Variants in OSBPL9 observed in about 807,000 individuals in gnomAD.
OSBPL9 encodes oxysterol-binding protein-related protein 9.
OSBPL9 carries 40 observed loss-of-function variants against 106.6 expected under a neutral mutation model. The observed-to-expected ratio is 0.38, with a 90% CI of 0.29 to 0.49. The LOEUF (loss-of-function observed/expected upper bound fraction) is 0.49, where lower values mean the gene tolerates loss of function less well. OSBPL9 is among the 20% of genes least tolerant of loss of function. The pLI, the probability that OSBPL9 is intolerant of heterozygous loss-of-function variation, is 0.97. For synonymous variants in OSBPL9, 269 were observed against 295.4 expected (o/e 0.91, Z 0.92); for missense variants, 609 against 887.2 (o/e 0.69, Z 3.98).
intron 9 of OSBPL9, among the ~76,000 whole-genome samples, chr1:51,758,567 C>G (rs1281055581): frequency 6.6e-6 from 1 of 152,050 alleles, no homozygotes; most frequent in African/African-American, 2.4e-5. Flanking sequence ...AAAACAGTGG[C>G]CTCTCATAAT....
At chr1:51,707,141 C>T in intron 3 of OSBPL9, 1 of 385,924 alleles carries the variant, frequency 2.6e-6, no homozygotes, top group Admixed American at 2.6e-5. Context: ...GCACTTACTC[C>T]TTGGAGGCCA....
chr1:51,554,902 A>G, the OSBPL9 span, among the ~76,000 whole-genome samples: 2 of 152,224 alleles, frequency 1.3e-5, no homozygotes, highest in African/African-American at 4.8e-5. Context: ...TGCTAAATGC[A>G]TATTCCCAGG....
chr1:51,651,197 A>T (rs1312212143), intron 1 of OSBPL9, among the ~76,000 whole-genome samples: 2 of 152,218 alleles, frequency 1.3e-5, no homozygotes, highest in African/African-American at 4.8e-5. Flanking sequence ...AAACTGAGGG[A>T]CATTGGATGA....
chr1:51,559,808 A>G, the OSBPL9 span, among the ~76,000 whole-genome samples: 1 of 152,178 alleles, frequency 6.6e-6, no homozygotes, highest in Non-Finnish European at 1.5e-5. Flanking sequence ...ATATGGTCAC[A>G]TATGTTTACA....
At chr1:51,637,554 A>C (rs1228089069) in intron 1 of OSBPL9, among the ~76,000 whole-genome samples, 2 of 152,238 alleles carry the variant, frequency 1.3e-5, no homozygotes, top group Non-Finnish European at 2.9e-5. Context: ...GAATTAAATA[A>C]AATAGTATTT....
intron 1 of OSBPL9, among the ~76,000 whole-genome samples, chr1:51,620,997 G>C (rs1421739084): frequency 6.6e-6 from 1 of 152,148 alleles, no homozygotes. Flanking sequence ...CAGAATGTTA[G>C]GATTACAGGC....
the OSBPL9 span, chr1:51,569,677 T>C: frequency 6.6e-6 from 1 of 152,134 alleles, no homozygotes; most frequent in South Asian, 2.1e-4. Context: ...AACACCAAGG[T>C]CTCATTCTCA....
At chr1:51,547,374 GA>G in the OSBPL9 span, among the ~76,000 whole-genome samples, 1 of 152,062 alleles carries the variant, frequency 6.6e-6, no homozygotes, top group Non-Finnish European at 1.5e-5. Context: ...AGTGCTCAGT[GA>G]AAAATATGAA....
At chr1:51,767,990 G>C (rs1376353477) in intron 12 of OSBPL9, among the ~76,000 whole-genome samples, 2 of 121,592 alleles carry the variant, frequency 1.6e-5, no homozygotes, top group Non-Finnish European at 3.2e-5. Flanking sequence ...CGCCCAGGCT[G>C]GAGTGCAGTG....
chr1:51,664,366 A>G (rs1261650000), intron 2 of OSBPL9, among the ~76,000 whole-genome samples: 1 of 152,110 alleles, frequency 6.6e-6, no homozygotes, highest in Non-Finnish European at 1.5e-5. Context: ...GACACAAAGG[A>G]AAATAAGTGG....
chr1:51,580,891 ATT>A (rs1645216411), intron 1 of OSBPL9, among the ~76,000 whole-genome samples: 2 of 79,954 alleles, frequency 2.5e-5, no homozygotes, highest in African/African-American at 4.7e-5. Context: ...CCTTCTAGCC[ATT>A]ATATATATAT....
At chr1:51,749,842 A>G (rs921600763) in intron 7 of OSBPL9, among the ~76,000 whole-genome samples, 10 of 151,652 alleles carry the variant, frequency 6.6e-5, no homozygotes, top group Admixed American at 2.0e-4. Flanking sequence ...AGCCACTGCA[A>G]TCCAGCGTGA....
At chr1:51,660,283 G>A (rs934655646) in intron 2 of OSBPL9, among the ~76,000 whole-genome samples, 2 of 152,042 alleles carry the variant, frequency 1.3e-5, no homozygotes, top group Admixed American at 6.6e-5. Context: ...AACCACAATG[G>A]CAAATATTTG....
intron 3 of OSBPL9, among the ~76,000 whole-genome samples, chr1:51,677,931 T>A (rs1458789697): frequency 6.6e-6 from 1 of 151,288 alleles, no homozygotes; most frequent in African/African-American, 2.4e-5. Flanking sequence ...CCCAGCTCTT[T>A]GGGAGGCTGA....
At chr1:51,545,597 A>C in the OSBPL9 span, among the ~76,000 whole-genome samples, 2 of 152,018 alleles carry the variant, frequency 1.3e-5, no homozygotes, top group Non-Finnish European at 2.9e-5. Context: ...CCATAGCAAG[A>C]CCACATCTCT....
intron 1 of OSBPL9, among the ~76,000 whole-genome samples, chr1:51,630,235 AAGATGCTTTTTTGGTC>A (rs1158430110): frequency 6.6e-6 from 1 of 152,054 alleles, no homozygotes; most frequent in East Asian, 1.9e-4. Flanking sequence ...TTTTTTTGGT[AAGATGCTTTTTTGGTC>A]AGATAAGGAA....
the OSBPL9 span, among the ~76,000 whole-genome samples, chr1:51,526,087 G>C: frequency 1.3e-5 from 2 of 152,184 alleles, no homozygotes; most frequent in Non-Finnish European, 2.9e-5. Flanking sequence ...ACATTGCCCA[G>C]GTTGGTCTTA....
the OSBPL9 span, among the ~76,000 whole-genome samples, chr1:51,568,320 A>C: frequency 2.6e-5 from 4 of 152,108 alleles, no homozygotes; most frequent in Non-Finnish European, 4.4e-5. Flanking sequence ...ACTATCCCCC[A>C]CTTTTAGCTG....
At chr1:51,656,508 C>T (rs1438556374) in intron 2 of OSBPL9, among the ~76,000 whole-genome samples, 1 of 152,030 alleles carries the variant, frequency 6.6e-6, no homozygotes, top group African/African-American at 2.4e-5. Flanking sequence ...TTCTGCACCC[C>T]CTATCTGATG....
Sources: allele counts gnomAD v4.1 joint callset (sites outside exome capture counted in the v4.1 genomes callset), GRCh38; gene constraint gnomAD v4.1.1; transcripts MANE v1.5; gene names NCBI Gene and HGNC (gene_info 2026-07-23, HGNC 2026-07-21).